NLGN2: variants seen among roughly 807,000 people sequenced by gnomAD.
NLGN2 encodes the protein neuroligin 2, also known as neuroligin-2.
In NLGN2, 11 loss-of-function variants were observed where a neutral mutation model predicts 48.6. The ratio of observed to expected loss-of-function variants is 0.23; its 90% CI spans 0.14 to 0.37. The LOEUF (loss-of-function observed/expected upper bound fraction) is 0.37, where lower values mean the gene tolerates loss of function less well. NLGN2 is among the 10% of genes least tolerant of loss of function. NLGN2 has a pLI of 1.00. For missense variants in NLGN2, 801 were observed against 1,225.2 expected, an observed-to-expected ratio of 0.65 and a Z score of 5.17; for synonymous variants, 548 against 550.0, an observed-to-expected ratio of 1.00 and a Z score of 0.05.
rs1907154503 is a variant in NLGN2 at position 7,417,407 on chromosome 17, G to C, written c.2116G>C (p.Glu706Gln). 1.2e-6 allele frequency: 2 copies of C among 1,609,290 alleles called. No individual in the cohort carries two copies. Among genetic ancestry groups the C allele is most frequent in the Non-Finnish European group, 1.7e-6 (2 of 1,178,534 alleles). The change falls in exon 7 of 7, where the codon GAG becomes CAG. Residue 706 changes from glutamate (E) to glutamine (Q), a missense_variant. Around this residue, in one of 5 missense-constraint regions of NLGN2, gnomAD observed 276 missense variants for 313.9 expected, o/e 0.88. Coordinates refer to ENST00000302926, the MANE Select transcript of NLGN2 (RefSeq NM_020795.4). ...CTACTACAAGCGGGACCGGCGGCAG[G>C]AGCTGCGGTGCAGGCGGCTTAGCCC... ...ALYYKRDRRQ[E>Q]LRCRRLSPPG...
chr17:7,415,207 G>A, intron 5 of NLGN2, 59 bp downstream of exon 5: 2 of 1,482,944 alleles, frequency 1.3e-6, no homozygotes, highest in Non-Finnish European at 1.8e-6. Flanking sequence ...GCTGAGGTGA[G>A]AGGTGCCTGT....
At chr17:7,410,854 T>C (rs950761819) in intron 1 of NLGN2, among the ~76,000 whole-genome samples, 4 of 152,362 alleles carry the variant, frequency 2.6e-5, no homozygotes, top group Middle Eastern at 3.4e-3. Context: ...TAGACTCACG[T>C]GCACACGTGC....
rs1052551741 is a variant in NLGN2, at chr17:7,411,773, C to T, written c.458-384C>T. ...GGGGCTCTGGGTGGGCTTCCCCTCC[C>T]CTCCCACCCCACCTCTAACACTGTT... On this transcript the variant is annotated intron_variant, in intron 1 of 6. Coordinates refer to ENST00000302926, the MANE Select transcript of NLGN2 (RefSeq NM_020795.4). This position sits in a 1 kb window ranked among gnomAD's most constrained non-coding sequence, Gnocchi z 4.5. Among the ~76,000 whole-genome samples the T allele has an allele frequency of 1.3e-5, 2 of 152,018 alleles. No individual in the cohort carries two copies. Among genetic ancestry groups the T allele is most frequent in the Non-Finnish European group, 2.9e-5 (2 of 67,968 alleles).
rs771903013 is a variant in NLGN2 at position 7,414,359 on chromosome 17, G to A, written c.524G>A (p.Gly175Glu). Residue 175 changes from glycine to glutamate, a missense_variant, in exon 3 of 7, where the codon GGG becomes GAG. Transcript: ENST00000302926. ...NPPDTDIRDP[G>E]KKPVMLFLHG... is the part of the protein sequence containing the mutation. ...CCCCACACAGATATCCGTGACCCTGGGAAGAAGCCTGTGATGCTGTTTCTC... is the reference window on the plus strand; with the variant it reads ...CCCCACACAGATATCCGTGACCCTGAGAAGAAGCCTGTGATGCTGTTTCTC... The A allele has an allele frequency of 1.2e-6, 2 of 1,614,086 alleles. No individual in the cohort carries two copies. The highest frequency in any genetic ancestry group is 2.2e-5 in the East Asian group (1 of 44,882).
intron 1 of NLGN2, among the ~76,000 whole-genome samples, chr17:7,410,843 A>G (rs1358147556): frequency 1.3e-5 from 2 of 152,200 alleles, no homozygotes; most frequent in Non-Finnish European, 2.9e-5. Context: ...CACGCGCTTC[A>G]TAGACTCACG....
Position 7,408,579 on chromosome 17 carries a change from G to A in NLGN2, c.324G>A (p.Gln108=). 1 of 1,564,736 alleles carries A rather than the reference G, an allele frequency of 6.4e-7. No homozygotes were observed. The highest frequency in any genetic ancestry group is 1.4e-5 in the African/African-American group (1 of 73,646). The stretch of plus-strand genomic sequence containing the variant: ...CCACCCTGCCGCCCGCCTGCCCGCA[G>A]AACCTGCACGGGGCGCTGCCCGCCA... ...NATTLPPACP[Q]NLHGALPAIM... The change falls in exon 1 of 7, where the codon CAG becomes CAA. Residue 108 remains glutamine (Q), a synonymous_variant. Transcript: ENST00000302926. The surrounding 1 kb of genome is among the most constrained non-coding windows in gnomAD (Gnocchi z 7.5).
chr17:7,408,193 C>G lies in NLGN2; in HGVS notation c.-63C>G. On this transcript the variant is annotated 5_prime_UTR_variant, in exon 1 of 7. Transcript: ENST00000302926. This position sits in a 1 kb window ranked among gnomAD's most constrained non-coding sequence, Gnocchi z 7.5. ...CGAGGGGGGCCTCCCTCCCTCTCCC[C>G]CCCTTCTCTCTCTCTCCGAGGGGGG... 1.1e-6 allele frequency: 1 copy of G among 929,134 alleles called. No homozygotes were observed. Among genetic ancestry groups the G allele is most frequent in the South Asian group, 2.6e-5 (1 of 37,970 alleles). The allele number at this position is 929,134 out of a possible 1,614,324, so 57.6% of individuals were successfully genotyped here.
intron 1 of NLGN2, among the ~76,000 whole-genome samples, chr17:7,409,255 T>G (rs1338276159): frequency 1.3e-5 from 2 of 152,078 alleles, no homozygotes; most frequent in African/African-American, 4.8e-5. Flanking sequence ...GCTGAGCACC[T>G]TGGCAGTGGT....
rs146111911 is a variant in NLGN2, at chr17:7,408,082, C to CAGA, written c.-173_-171dup. 2,388 of 384,344 alleles carry CAGA rather than the reference C, an allele frequency of 6.2e-3. 50 individuals carry two copies. Among genetic ancestry groups the CAGA allele is most frequent in the African/African-American group, 0.047 (2,211 of 46,554 alleles). 23.8% of individuals were successfully genotyped at this position (384,344 alleles called of 1,614,324 possible). ...CCCGTGCCCCCTCCATGGAGAGGAA[C>CAGA]AGACCCCTTCTCTGTCCAGTCTAAC... On this transcript the variant is annotated 5_prime_UTR_variant, in exon 1 of 7. Coordinates refer to ENST00000302926, the MANE Select transcript of NLGN2 (RefSeq NM_020795.4). This position sits in a 1 kb window ranked among gnomAD's most constrained non-coding sequence, Gnocchi z 7.5.
chr17:7,409,304 C>G (rs1906784627), intron 1 of NLGN2, among the ~76,000 whole-genome samples: 1 of 152,074 alleles, frequency 6.6e-6, no homozygotes, highest in Non-Finnish European at 1.5e-5. Context: ...CCTGTACGCC[C>G]CTGAAGGATC....
chr17:7,418,845 C>T lies in NLGN2; in HGVS notation c.*1046C>T, dbSNP rs1450414734. The T allele has an allele frequency of 6.5e-6, 1 of 152,694 alleles. No individual in the cohort carries two copies. Among genetic ancestry groups the T allele is most frequent in the Non-Finnish European group, 1.5e-5 (1 of 68,114 alleles). 9.5% of individuals were successfully genotyped at this position (152,694 alleles called of 1,614,324 possible). A position where few individuals can be genotyped will look rare whatever the true frequency, so the allele number is the denominator to read the frequency against. Reference sequence around the variant, plus strand: ...GTCCGAGGACAGCCTTTTCCCCAGGCCTCAGAGCATTGCTCATCCGTGCCA... The same window carrying T: ...GTCCGAGGACAGCCTTTTCCCCAGGTCTCAGAGCATTGCTCATCCGTGCCA... On this transcript the variant is annotated 3_prime_UTR_variant, in exon 7 of 7. Coordinates refer to ENST00000302926, the MANE Select transcript of NLGN2 (RefSeq NM_020795.4).
rs1352681098 is a variant in NLGN2, at chr17:7,417,392, C to T, written c.2101C>T (p.Arg701Trp). Reference sequence around the variant, plus strand: ...GGCCTTTGCTGCCCTCTACTACAAGCGGGACCGGCGGCAGGAGCTGCGGTG... The same window carrying T: ...GGCCTTTGCTGCCCTCTACTACAAGTGGGACCGGCGGCAGGAGCTGCGGTG... The part of the protein sequence containing the change: ...ILAFAALYYK[R>W]DRRQELRCRR... Residue 701 changes from arginine (R) to tryptophan (W), a missense_variant, in exon 7 of 7, where the codon CGG becomes TGG. Arg to Trp is a moderately radical substitution (Grantham distance 101). Around this residue, in one of 5 missense-constraint regions of NLGN2, gnomAD observed 276 missense variants for 313.9 expected, o/e 0.88. Transcript: ENST00000302926. 3 of 1,610,256 alleles carry T rather than the reference C, an allele frequency of 1.9e-6. No homozygotes were observed. The highest frequency in any genetic ancestry group is 8.5e-7 in the Non-Finnish European group (1 of 1,178,830).
Position 7,417,324 on chromosome 17 carries a change from T to C in NLGN2, c.2033T>C (p.Val678Ala). Residue 678 changes from valine (V) to alanine (A), a missense_variant, in exon 7 of 7, where the codon GTC (valine) becomes GCC (alanine). Transcript: ENST00000302926. ...CGGGACTACTCCACGGAGCTGAGCG[T>C]CACCGTGGCCGTGGGTGCCTCCCTC... ...DSRDYSTELS[V>A]TVAVGASLLF... 6.2e-7 allele frequency: 1 copy of C among 1,610,754 alleles called. No homozygotes were observed. Among genetic ancestry groups the C allele is most frequent in the Non-Finnish European group, 8.5e-7 (1 of 1,178,942 alleles).
rs1209194932 is a variant in NLGN2, at chr17:7,408,364, G to A, written c.109G>A (p.Gly37Ser). ...CCCCGGCCTGGGCCTCGGCAGCCTC[G>A]GCGAGGAGCGCTTCCCGGTGGTGAA... ...GGPGLGLGSL[G>S]EERFPVVNTA... The change falls in exon 1 of 7, where the codon GGC becomes AGC. Residue 37 changes from glycine to serine, a missense_variant. Coordinates refer to ENST00000302926, the MANE Select transcript of NLGN2 (RefSeq NM_020795.4). The surrounding 1 kb of genome is among the most constrained non-coding windows in gnomAD (Gnocchi z 7.5). 4 of 1,499,288 alleles carry A rather than the reference G, an allele frequency of 2.7e-6. No individual in the cohort carries two copies. The highest frequency in any genetic ancestry group is 2.8e-5 in the East Asian group (1 of 35,474). 92.9% of individuals were successfully genotyped at this position (1,499,288 alleles called of 1,614,324 possible).
chr17:7,415,272 C>A (rs374742468), intron 5 of NLGN2, 124 bp downstream of exon 5: 30 of 944,626 alleles, frequency 3.2e-5, no homozygotes, highest in Non-Finnish European at 4.5e-5. Flanking sequence ...AAGTGGCCTC[C>A]TCTTGCAAGC....
upstream of NLGN2, among the ~76,000 whole-genome samples, chr17:7,406,211 G>GCTGGAAGAGGCCC (rs2090591762): frequency 1.3e-5 from 2 of 152,138 alleles, no homozygotes; most frequent in Non-Finnish European, 2.9e-5. Context: ...GCTGGGGCAA[G>GCTGGAAGAGGCCC]CTGGAAGAGG....
At chr17:7,406,654 G>T (rs957930000), upstream of NLGN2, among the ~76,000 whole-genome samples, 37 of 29,754 alleles carry the variant, frequency 1.2e-3, no homozygotes, top group African/African-American at 2.6e-3. Context: ...GTGGGGGGGC[G>T]GGGGGGGGGC....
intron 3 of NLGN2, 26 bp downstream of exon 3, chr17:7,414,519 G>A (rs1409375019): frequency 6.2e-7 from 1 of 1,612,146 alleles, no homozygotes; most frequent in African/African-American, 1.3e-5. Context: ...CAACTCTGGG[G>A]CTCGGGGGAG....
intron 1 of NLGN2, among the ~76,000 whole-genome samples, chr17:7,410,214 T>G (rs1410460003): frequency 7.6e-6 from 1 of 130,798 alleles, no homozygotes; most frequent in African/African-American, 3.0e-5. Flanking sequence ...CTCATGCACC[T>G]CCACCCACCC....
Sources: gnomAD v4.1 joint callset for allele counts (sites outside exome capture counted in the v4.1 genomes callset) on GRCh38, gnomAD v4.1.1 for gene constraint, gnomAD v4.1.1 regional missense constraint, Gnocchi (gnomAD v3.1) non-coding constraint, MANE v1.5 for transcripts, NCBI Gene and HGNC (gene_info 2026-07-23, HGNC 2026-07-21) for gene names.